The following WDSUB1 variants were observed in gnomAD, a reference collection of about 807,000 sequenced individuals.
WDSUB1 encodes the protein WD repeat, sterile alpha motif and U-box domain containing 1.
In WDSUB1, 49 loss-of-function variants were observed where a neutral mutation model predicts 53.9. The observed-to-expected ratio is 0.91, with a 90% confidence interval of 0.72 to 1.15. The LOEUF is 1.15. WDSUB1 is among the 50% of genes most tolerant of loss of function. The pLI is 0.00. For missense variants in WDSUB1, 514 were observed against 562.0 expected, an observed-to-expected ratio of 0.91 and a Z score of 0.86; for synonymous variants, 194 against 200.6, an observed-to-expected ratio of 0.97 and a Z score of 0.28.
At chr2:159,285,890 C>A (rs747889093) in intron 1 of WDSUB1, among the ~76,000 whole-genome samples, 1 of 152,160 alleles carries the variant, frequency 6.6e-6, no homozygotes, top group Non-Finnish European at 1.5e-5. Flanking sequence ...CCAGGTGGTG[C>A]TTTCTGGAGA....
intron 5 of WDSUB1, among the ~76,000 whole-genome samples, chr2:159,264,956 C>T (rs927947510): frequency 1.4e-4 from 21 of 151,800 alleles, no homozygotes; most frequent in Non-Finnish European, 2.6e-4. Flanking sequence ...TGGTCGCGGG[C>T]ACCTGTAATC....
At chr2:159,265,126 A>AACAACAAC (rs1558861064) in intron 5 of WDSUB1, among the ~76,000 whole-genome samples, 1,479 of 140,306 alleles carry the variant, frequency 0.011, 32 homozygotes, top group African/African-American at 0.037. Flanking sequence ...ACAACAACAA[A>AACAACAAC]AAAAAACAAC....
intron 9 of WDSUB1, among the ~76,000 whole-genome samples, chr2:159,250,092 A>C (rs867672899): frequency 4.6e-4 from 55 of 120,426 alleles, no homozygotes; most frequent in Middle Eastern, 3.7e-3. Flanking sequence ...CTGCCTCAAA[A>C]AAAAAAAAAA....
At chr2:159,238,847 T>C (rs2151032876) in intron 10 of WDSUB1, among the ~76,000 whole-genome samples, 1 of 152,268 alleles carries the variant, frequency 6.6e-6, no homozygotes, top group Middle Eastern at 3.4e-3. Flanking sequence ...ATCAGGATCA[T>C]GTCAACCCTA....
intron 10 of WDSUB1, among the ~76,000 whole-genome samples, 174 bp downstream of exon 10, chr2:159,248,198 T>C (rs901972613): frequency 3.9e-5 from 6 of 152,058 alleles, no homozygotes; most frequent in African/African-American, 1.4e-4. Context: ...ACAACTACTC[T>C]GTTCAATTTC....
intron 9 of WDSUB1, among the ~76,000 whole-genome samples, chr2:159,252,692 C>T (rs1559538001): frequency 6.6e-6 from 1 of 152,266 alleles, no homozygotes; most frequent in East Asian, 1.9e-4. Flanking sequence ...ACATAGGCAA[C>T]AAGTGAAATC....
chr2:159,247,906 T>A (rs908646415), intron 10 of WDSUB1, among the ~76,000 whole-genome samples: 519 of 17,060 alleles, frequency 0.03, 2 homozygotes, highest in Middle Eastern at 0.065. Context: ...TATATATATA[T>A]ATAAATATAT....
intron 4 of WDSUB1, among the ~76,000 whole-genome samples, chr2:159,274,038 C>T (rs933343440): frequency 6.6e-6 from 1 of 152,108 alleles, no homozygotes; most frequent in Non-Finnish European, 1.5e-5. Flanking sequence ...TTAATAAAAA[C>T]AGAAATGTAC....
At chr2:159,282,196 AATT>A (rs767655397) in intron 2 of WDSUB1, among the ~76,000 whole-genome samples, 2 of 127,736 alleles carry the variant, frequency 1.6e-5, no homozygotes, top group African/African-American at 4.9e-5. Flanking sequence ...AGTTAAAAAA[AATT>A]TTTTTTTTTT....
chr2:159,282,521 G>C lies in WDSUB1; in HGVS notation c.398+151C>G, dbSNP rs577023707. 4.7e-5 allele frequency: 42 copies of C among 889,070 alleles called. 1 individual carries two copies. In the South Asian group the frequency reaches 7.5e-4, roughly 16 times the overall value. The allele number at this position is 889,070 out of a possible 1,614,324, so 55.1% of individuals were successfully genotyped here. On this transcript the variant is annotated intron_variant, in intron 2 of 10. Transcript: ENST00000359774. ...TAAAATATTTTTCCTTGTGCTACCTGAAAACTATTGGCTTCCTAGGGTCAT... is the reference window on the plus strand; with the variant it reads ...TAAAATATTTTTCCTTGTGCTACCTCAAAACTATTGGCTTCCTAGGGTCAT...
intron 9 of WDSUB1, among the ~76,000 whole-genome samples, chr2:159,254,177 A>G (rs1238245371): frequency 6.6e-6 from 1 of 152,256 alleles, no homozygotes; most frequent in Non-Finnish European, 1.5e-5. Context: ...TGAACTTTGA[A>G]GTAAAATGAT....
At position 159,259,791 on chromosome 2, in the gene WDSUB1, A is replaced by G; in HGVS notation, c.804+19T>C. On this transcript the variant is annotated intron_variant, in intron 6 of 10. Transcript: ENST00000359774. ...AAACATAACTTTCATAGATCACCAC[A>G]AGATTTTTAAATACTTACAGTATCA... The G allele has an allele frequency of 6.6e-7, 1 of 1,516,468 alleles. No homozygotes were observed. The highest frequency in any genetic ancestry group is 8.9e-7 in the Non-Finnish European group (1 of 1,117,588). 93.9% of individuals were successfully genotyped at this position (1,516,468 alleles called of 1,614,324 possible).
At chr2:159,244,626 TAA>T (rs935952043) in intron 10 of WDSUB1, among the ~76,000 whole-genome samples, 4 of 152,104 alleles carry the variant, frequency 2.6e-5, no homozygotes, top group African/African-American at 9.7e-5. Context: ...TGTACAGTTA[TAA>T]AAATATGAGC....
intron 2 of WDSUB1, among the ~76,000 whole-genome samples, chr2:159,282,066 T>C (rs1227128947): frequency 9.4e-6 from 1 of 106,414 alleles, no homozygotes; most frequent in Admixed American, 8.2e-5. Flanking sequence ...ACTCTTACAA[T>C]TAAAAAAAAA....
At chr2:159,240,278 G>A (rs2060609630) in intron 10 of WDSUB1, among the ~76,000 whole-genome samples, 1 of 152,100 alleles carries the variant, frequency 6.6e-6, no homozygotes. Context: ...GCATTCACTT[G>A]TTGATGGACA....
At chr2:159,274,028 T>C (rs2061492639) in intron 4 of WDSUB1, among the ~76,000 whole-genome samples, 1 of 151,994 alleles carries the variant, frequency 6.6e-6, no homozygotes, top group South Asian at 2.1e-4. Context: ...AAGGAAGGAA[T>C]TAATAAAAAC....
intron 10 of WDSUB1, among the ~76,000 whole-genome samples, chr2:159,241,060 G>A (rs2060630781): frequency 1.3e-5 from 2 of 152,210 alleles, no homozygotes; most frequent in Non-Finnish European, 2.9e-5. Context: ...AACTGCAACT[G>A]AAAAGCATAC....
intron 5 of WDSUB1, 139 bp downstream of exon 5, chr2:159,271,562 TG>T: frequency 1.4e-6 from 1 of 704,240 alleles, no homozygotes. Flanking sequence ...GGAGGGCTTC[TG>T]GGGCAGAACC....
chr2:159,265,719 G>A (rs1283330751), intron 5 of WDSUB1, among the ~76,000 whole-genome samples: 2 of 152,050 alleles, frequency 1.3e-5, no homozygotes, highest in Non-Finnish European at 2.9e-5. Flanking sequence ...AAAAAAGACT[G>A]ACTCTTCCTG....
Sources: allele counts gnomAD v4.1 joint callset (sites outside exome capture counted in the v4.1 genomes callset), GRCh38; gene constraint gnomAD v4.1.1; transcripts MANE v1.5; gene names NCBI Gene and HGNC (gene_info 2026-07-23, HGNC 2026-07-21).